FPR3: variants seen among roughly 807,000 people sequenced by gnomAD.
FPR3 encodes formyl peptide receptor 3.
For missense variants in FPR3, 346 were observed against 443.2 expected (o/e 0.78, Z 1.97); for synonymous variants, 135 against 163.6 (o/e 0.83, Z 1.34).
Position 51,824,325 on chromosome 19 carries a change from G to A in FPR3, c.577G>A (p.Val193Met), listed in dbSNP as rs763572824. ...WGDTAVERLN[V>M]FITMAKVFLI... is the part of the protein sequence containing the mutation. ...TGACACTGCTGTAGAGAGGTTGAAC[G>A]TGTTCATTACCATGGCCAAGGTCTT... The change falls in exon 2 of 2, where the codon GTG becomes ATG. Residue 193 changes from valine (V) to methionine (M), a missense_variant. Val to Met is a conservative substitution (Grantham distance 21). Transcript: ENST00000339223. This position sits in a 1 kb window ranked among gnomAD's most constrained non-coding sequence, Gnocchi z 4.7. 4.5e-5 allele frequency: 72 copies of A among 1,614,086 alleles called. No homozygotes were observed. Among genetic ancestry groups the A allele is most frequent in the Non-Finnish European group, 5.6e-5 (66 of 1,179,968 alleles).
intron 1 of FPR3, among the ~76,000 whole-genome samples, chr19:51,821,841 G>C (rs763782): frequency 0.37 from 56,026 of 151,690 alleles, 10,857 homozygotes; most frequent in South Asian, 0.52. Flanking sequence ...AAGGGGTAAT[G>C]ATGGCTGCCC....
chr19:51,796,950 A>G (rs2084003177), intron 1 of FPR3, among the ~76,000 whole-genome samples: 2 of 152,228 alleles, frequency 1.3e-5, no homozygotes, highest in Admixed American at 6.5e-5. Context: ...AGAATGTGAG[A>G]TACCCCAACA....
chr19:51,820,267 A>G (rs2084178333), intron 1 of FPR3, among the ~76,000 whole-genome samples: 1 of 152,220 alleles, frequency 6.6e-6, no homozygotes, highest in African/African-American at 2.4e-5. Context: ...ATCTGTAATC[A>G]TACATCCAGT....
Position 51,795,504 on chromosome 19 carries a change from C to CTTTTTTTT in FPR3, c.-11+195_-11+202dup, listed in dbSNP as rs58620565. On this transcript the variant is annotated intron_variant, in intron 1 of 1. Coordinates refer to ENST00000339223, the MANE Select transcript of FPR3 (RefSeq NM_002030.5). The stretch of plus-strand genomic sequence containing the variant: ...TTTGGTTACATGTTCCAGTAACATT[C>CTTTTTTTT]TTTTTTTTTTTTTTTTTTTTTTTTT... Among the ~76,000 whole-genome samples, 346 of 74,676 alleles carry CTTTTTTTT rather than the reference C, an allele frequency of 4.6e-3. 63 individuals carry two copies. The highest frequency in any genetic ancestry group is 0.013 in the East Asian group (23 of 1,814). The allele number at this position is 74,676 out of a possible 152,430, so 49.0% of individuals were successfully genotyped here. A position where few individuals can be genotyped will look rare whatever the true frequency, so the allele number is the denominator to read the frequency against.
At chr19:51,801,159 AC>A (rs1323303384) in intron 1 of FPR3, among the ~76,000 whole-genome samples, 1 of 135,194 alleles carries the variant, frequency 7.4e-6, no homozygotes, top group Non-Finnish European at 1.7e-5. Context: ...AAAGACAGAA[AC>A]TTTTAACTTT....
intron 1 of FPR3, among the ~76,000 whole-genome samples, chr19:51,813,824 G>T (rs193291782): frequency 3.3e-5 from 5 of 152,102 alleles, no homozygotes; most frequent in Admixed American, 6.5e-5. Flanking sequence ...ATAAGCCACC[G>T]CAGCTGGCCG....
chr19:51,818,332 T>C (rs1181838370), intron 1 of FPR3, among the ~76,000 whole-genome samples: 1 of 152,226 alleles, frequency 6.6e-6, no homozygotes, highest in Non-Finnish European at 1.5e-5. Context: ...TGTTTCCTAC[T>C]CTGTTTACAC....
At chr19:51,795,947 T>C (rs2083996151) in intron 1 of FPR3, among the ~76,000 whole-genome samples, 1 of 152,226 alleles carries the variant, frequency 6.6e-6, no homozygotes, top group African/African-American at 2.4e-5. Flanking sequence ...CACATTATAT[T>C]TCTACTGGAC....
chr19:51,801,535 C>T (rs1038765268), intron 1 of FPR3, among the ~76,000 whole-genome samples: 3 of 152,218 alleles, frequency 2.0e-5, no homozygotes, highest in Non-Finnish European at 4.4e-5. Context: ...AATCCCAGCA[C>T]TTTAGGAGGC....
At position 51,795,504 on chromosome 19, in the gene FPR3, C is replaced by CTTTTTTTTTTTTTTTTTTTTT. The variant is rs58620565; in HGVS notation, c.-11+182_-11+202dup. 3.2e-4 allele frequency among the ~76,000 whole-genome samples: 24 copies of CTTTTTTTTTTTTTTTTTTTTT among 74,738 alleles called. 3 individuals carry two copies. The highest frequency in any genetic ancestry group is 7.5e-4 in the African/African-American group (12 of 16,078). The allele number at this position is 74,738 out of a possible 152,430, so 49.0% of individuals were successfully genotyped here. ...TTTGGTTACATGTTCCAGTAACATT[C>CTTTTTTTTTTTTTTTTTTTTT]TTTTTTTTTTTTTTTTTTTTTTTTT... On this transcript the variant is annotated intron_variant, in intron 1 of 1. Coordinates refer to ENST00000339223, the MANE Select transcript of FPR3 (RefSeq NM_002030.5).
intron 1 of FPR3, among the ~76,000 whole-genome samples, chr19:51,800,229 C>T (rs932939520): frequency 5.3e-5 from 8 of 152,210 alleles, no homozygotes; most frequent in Admixed American, 2.6e-4. Context: ...TATCACTTCT[C>T]GTTCTCCCAG....
chr19:51,805,741 T>C (rs2084054488), intron 1 of FPR3, among the ~76,000 whole-genome samples: 1 of 152,158 alleles, frequency 6.6e-6, no homozygotes, highest in Non-Finnish European at 1.5e-5. Context: ...TGAACAGAAC[T>C]ATGCAAAGTT....
intron 1 of FPR3, among the ~76,000 whole-genome samples, chr19:51,802,130 G>A (rs1201078241): frequency 1.3e-5 from 2 of 151,552 alleles, no homozygotes; most frequent in African/African-American, 2.4e-5. Context: ...ATATAAAACC[G>A]AATTAATAAA....
At position 51,795,504 on chromosome 19, in the gene FPR3, C is replaced by CCTT. The variant is rs1568425575; in HGVS notation, c.-11+173_-11+174insCTT. On this transcript the variant is annotated intron_variant, in intron 1 of 1. Transcript: ENST00000339223. ...TTTGGTTACATGTTCCAGTAACATT[C>CCTT]TTTTTTTTTTTTTTTTTTTTTTTTT... 8.0e-5 allele frequency among the ~76,000 whole-genome samples: 6 copies of CCTT among 74,732 alleles called. 1 individual carries two copies. The highest frequency in any genetic ancestry group is 9.3e-5 in the Non-Finnish European group (4 of 43,152). 49.0% of individuals were successfully genotyped at this position (74,732 alleles called of 152,430 possible).
At chr19:51,808,160 T>C (rs1018795364) in intron 1 of FPR3, among the ~76,000 whole-genome samples, 1 of 152,206 alleles carries the variant, frequency 6.6e-6, no homozygotes, top group African/African-American at 2.4e-5. Flanking sequence ...CGTGCAGGGT[T>C]TGGTAAATAT....
At chr19:51,812,317 A>G (rs1311849357) in intron 1 of FPR3, among the ~76,000 whole-genome samples, 1 of 152,202 alleles carries the variant, frequency 6.6e-6, no homozygotes, top group Non-Finnish European at 1.5e-5. Context: ...TCCACATTGC[A>G]TCTCCACTTA....
intron 1 of FPR3, among the ~76,000 whole-genome samples, chr19:51,812,483 A>G (rs1326816889): frequency 6.6e-6 from 1 of 152,234 alleles, no homozygotes; most frequent in African/African-American, 2.4e-5. Flanking sequence ...ATACTATTCA[A>G]TCAAGAACTG....
At chr19:51,817,569 T>C (rs953827544) in intron 1 of FPR3, 1 of 152,136 alleles carries the variant, frequency 6.6e-6, no homozygotes, top group African/African-American at 2.4e-5. Context: ...AAAAAGCAAC[T>C]TTGAAATGAC....
chr19:51,824,177 G>C lies in FPR3; in HGVS notation c.429G>C (p.Lys143Asn). ...ACCATCGCACCATGAGTCTGGCCAA[G>C]AGGGTGATGACGGGACTCTGGATTT... ...AQNHRTMSLA[K>N]RVMTGLWIFT... Residue 143 changes from lysine to asparagine, a missense_variant, in exon 2 of 2, where the codon AAG (lysine) becomes AAC (asparagine). Coordinates refer to ENST00000339223, the MANE Select transcript of FPR3 (RefSeq NM_002030.5). The surrounding 1 kb of genome is among the most constrained non-coding windows in gnomAD (Gnocchi z 4.7). The C allele has an allele frequency of 6.2e-7, 1 of 1,614,170 alleles. No individual in the cohort carries two copies. The highest frequency in any genetic ancestry group is 8.5e-7 in the Non-Finnish European group (1 of 1,180,012).
Sources: allele counts gnomAD v4.1 joint callset (sites outside exome capture counted in the v4.1 genomes callset), GRCh38; gene constraint gnomAD v4.1.1; non-coding constraint Gnocchi (gnomAD v3.1); transcripts MANE v1.5; gene names NCBI Gene and HGNC (gene_info 2026-07-23, HGNC 2026-07-21).